Variants in SLC22A15 observed in about 807,000 individuals in gnomAD.
The protein encoded by SLC22A15 is solute carrier family 22 member 15, also known as flipt 1.
A neutral mutation model predicts 62.7 loss-of-function variants in SLC22A15; 45 were observed. That is an observed-to-expected ratio of 0.72 (90% confidence interval 0.56 to 0.92). SLC22A15 has a LOEUF of 0.92. Among genes scored for constraint, SLC22A15 ranks in the 40% least tolerant of loss-of-function variants. The pLI, the probability that SLC22A15 is intolerant of heterozygous loss-of-function variation, is 0.00. For synonymous variants in SLC22A15, 264 were observed against 267.0 expected (o/e 0.99, Z 0.11); for missense variants, 622 against 665.6 (o/e 0.93, Z 0.72).
At chr1:116,043,963 A>G (rs1291758345) in intron 8 of SLC22A15, among the ~76,000 whole-genome samples, 1 of 152,234 alleles carries the variant, frequency 6.6e-6, no homozygotes, top group Non-Finnish European at 1.5e-5. Context: ...GTAGTTAAAA[A>G]CATTCCCACA....
chr1:115,977,574 G>T (rs1296924240), intron 1 of SLC22A15, among the ~76,000 whole-genome samples: 1 of 152,224 alleles, frequency 6.6e-6, no homozygotes, highest in African/African-American at 2.4e-5. Flanking sequence ...TTTGCTGTGA[G>T]CCAGCCATTT....
intron 8 of SLC22A15, 90 bp downstream of exon 8, chr1:116,037,478 T>C (rs1570759663): frequency 1.1e-6 from 1 of 921,834 alleles, no homozygotes; most frequent in East Asian, 2.4e-5. Flanking sequence ...TATGGCATGC[T>C]TCATTTCTGT....
Position 115,978,088 on chromosome 1 carries a change from C to T in SLC22A15, c.87+1374C>T, listed in dbSNP as rs542193164. Among the ~76,000 whole-genome samples the T allele has an allele frequency of 3.3e-5, 5 of 152,236 alleles. No homozygotes were observed. The South Asian group carries it at 1.0e-3, about 32-fold the overall frequency. ...TAATACCGAGAAAGAAGAATTGCAA[C>T]CATGATGCCTGATCTTTATTTATAA... On this transcript the variant is annotated intron_variant, in intron 1 of 11. Transcript: ENST00000369503.
At chr1:116,048,257 G>T (rs1215440748) in intron 8 of SLC22A15, among the ~76,000 whole-genome samples, 1 of 152,166 alleles carries the variant, frequency 6.6e-6, no homozygotes, top group Non-Finnish European at 1.5e-5. Flanking sequence ...ATCACAAAAA[G>T]ATCATCACCT....
At chr1:116,018,371 T>C (rs1656647900) in intron 2 of SLC22A15, among the ~76,000 whole-genome samples, 1 of 152,232 alleles carries the variant, frequency 6.6e-6, no homozygotes, top group African/African-American at 2.4e-5. Flanking sequence ...TTTTATTTTA[T>C]TTTTTATTTT....
intron 4 of SLC22A15, among the ~76,000 whole-genome samples, chr1:116,022,137 G>A (rs1248392729): frequency 6.6e-6 from 1 of 152,178 alleles, no homozygotes; most frequent in Non-Finnish European, 1.5e-5. Flanking sequence ...AGAGACACCA[G>A]CTCCATCCTC....
rs200436499 is a variant in SLC22A15, at chr1:116,019,689, C to G, written c.408C>G (p.Phe136Leu). 1.6e-4 allele frequency: 261 copies of G among 1,612,282 alleles called. 1 individual carries two copies. The highest frequency in any genetic ancestry group is 3.2e-5 in the Non-Finnish European group (38 of 1,179,462). ...VISFGQLSDR[F>L]GRKKVYLTGF... ...CTTTTGGTCAGCTTTCAGATCGCTT[C>G]GGAAGGAAAAAAGTCTATCTCACAG... The change falls in exon 3 of 12, where the codon TTC becomes TTG. Residue 136 changes from phenylalanine to leucine, a missense_variant. By Grantham distance (22) the Phe-to-Leu change is conservative. Coordinates refer to ENST00000369503, the MANE Select transcript of SLC22A15 (RefSeq NM_018420.3).
At position 116,018,187 on chromosome 1, in the gene SLC22A15, G is replaced by A. The variant is rs1009366212; in HGVS notation, c.301-1395G>A. Among the ~76,000 whole-genome samples the A allele has an allele frequency of 4.6e-5, 7 of 151,960 alleles. No individual in the cohort carries two copies. In the East Asian group the frequency reaches 7.7e-4, roughly 17 times the overall value. ...TTCCCTGTTCCCCCCTCCTTCTGGC[G>A]CCTGGTAACCACCCATTCTATTTTC... On this transcript the variant is annotated intron_variant, in intron 2 of 11. Coordinates refer to ENST00000369503, the MANE Select transcript of SLC22A15 (RefSeq NM_018420.3).
intron 1 of SLC22A15, among the ~76,000 whole-genome samples, chr1:115,987,870 A>AT (rs1427445087): frequency 1.3e-5 from 2 of 152,172 alleles, no homozygotes; most frequent in East Asian, 3.9e-4. Context: ...TCTGTATCTC[A>AT]TTTTTCCTAC....
chr1:116,020,502 G>A (rs1261040785), intron 3 of SLC22A15, among the ~76,000 whole-genome samples: 1 of 151,174 alleles, frequency 6.6e-6, no homozygotes, highest in African/African-American at 2.4e-5. Context: ...CTTGCAGCGA[G>A]CCGAGATTGT....
rs1658505142 is a variant in SLC22A15 at position 116,066,609 on chromosome 1, T to TA, written c.1457dup (p.Asn486LysfsTer44). On this transcript the variant is annotated frameshift_variant, in exon 11 of 12. Coordinates refer to ENST00000369503, the MANE Select transcript of SLC22A15 (RefSeq NM_018420.3). LOFTEE classifies it high-confidence loss of function. ...TGAGTTTGTTATTGCCGGAGACCCT[T>TA]AACAGTCCGCTGCTAGAAACATTCT... The TA allele has an allele frequency of 4.3e-6, 7 of 1,610,584 alleles. No individual in the cohort carries two copies. The highest frequency in any genetic ancestry group is 5.9e-6 in the Non-Finnish European group (7 of 1,178,524).
chr1:115,994,940 T>C (rs957486656), intron 2 of SLC22A15, among the ~76,000 whole-genome samples: 1 of 152,220 alleles, frequency 6.6e-6, no homozygotes, highest in Non-Finnish European at 1.5e-5. Flanking sequence ...ACACATGACA[T>C]TTAGTTGTCA....
At chr1:116,001,498 C>A (rs2101141246) in intron 2 of SLC22A15, among the ~76,000 whole-genome samples, 1 of 152,174 alleles carries the variant, frequency 6.6e-6, no homozygotes, top group East Asian at 1.9e-4. Context: ...TTTTCTAGAT[C>A]CTGTAGGCAT....
chr1:116,020,329 G>A (rs1053967875), intron 3 of SLC22A15, among the ~76,000 whole-genome samples: 1 of 150,942 alleles, frequency 6.6e-6, no homozygotes, highest in Non-Finnish European at 1.5e-5. Context: ...GAGGTGGGTG[G>A]ATCACGAGGT....
Position 115,996,591 on chromosome 1 carries a change from T to A in SLC22A15, c.300+4348T>A, listed in dbSNP as rs74111132. ...ATCTAAATATTTCTTTTTCTTTTTT[T>A]TTTTTGAGGGATTATAAATGGTACT... On this transcript the variant is annotated intron_variant, in intron 2 of 11. Coordinates refer to ENST00000369503, the MANE Select transcript of SLC22A15 (RefSeq NM_018420.3). Among the ~76,000 whole-genome samples, 1,192 of 152,108 alleles carry A rather than the reference T, an allele frequency of 7.8e-3. 19 individuals are homozygous for A. The highest frequency in any genetic ancestry group is 0.025 in the African/African-American group (1,019 of 41,556).
chr1:116,005,124 G>A (rs1450854910), intron 2 of SLC22A15, among the ~76,000 whole-genome samples: 2 of 152,028 alleles, frequency 1.3e-5, no homozygotes, highest in Admixed American at 1.3e-4. Flanking sequence ...TAAAGAATGA[G>A]CATTTTGTTT....
intron 8 of SLC22A15, among the ~76,000 whole-genome samples, chr1:116,047,170 T>C (rs1657948282): frequency 6.6e-6 from 1 of 152,126 alleles, no homozygotes. Flanking sequence ...GGCTTACACC[T>C]GTAATCCCAG....
chr1:116,067,398 G>T lies in SLC22A15; in HGVS notation c.*290G>T. ...CCCAAACCCACATTCCAAAGTGGTA[G>T]GCTCATTTGTTTCTAGAGATTTCAT... On this transcript the variant is annotated 3_prime_UTR_variant, in exon 12 of 12. Coordinates refer to ENST00000369503, the MANE Select transcript of SLC22A15 (RefSeq NM_018420.3). The T allele has an allele frequency of 3.1e-6, 1 of 319,192 alleles. No homozygotes were observed. The highest frequency in any genetic ancestry group is 7.4e-5 in the South Asian group (1 of 13,490). 19.8% of individuals were successfully genotyped at this position (319,192 alleles called of 1,614,324 possible). A position where few individuals can be genotyped will look rare whatever the true frequency, so the allele number is the denominator to read the frequency against.
chr1:116,009,767 T>A (rs1656158895), intron 2 of SLC22A15, among the ~76,000 whole-genome samples: 1 of 152,196 alleles, frequency 6.6e-6, no homozygotes, highest in Non-Finnish European at 1.5e-5. Flanking sequence ...CCTTAATATA[T>A]AATCTGTGGT....
Sources: allele counts gnomAD v4.1 joint callset (sites outside exome capture counted in the v4.1 genomes callset), GRCh38; gene constraint gnomAD v4.1.1; transcripts MANE v1.5; gene names NCBI Gene and HGNC (gene_info 2026-07-23, HGNC 2026-07-21).